The following PFDN2 variants were observed in gnomAD, a reference collection of about 807,000 sequenced individuals.
PFDN2 encodes the protein prefoldin subunit 2.
In PFDN2, 7 loss-of-function variants were observed where a neutral mutation model predicts 18.3. That is an observed-to-expected ratio of 0.38 (90% CI 0.22 to 0.72). PFDN2 has a LOEUF of 0.72. Ranked by LOEUF, PFDN2 falls within the 30% of genes least tolerant of loss-of-function variation. PFDN2 has a pLI of 0.47. For missense variants in PFDN2, 181 were observed against 199.1 expected (o/e 0.91, Z 0.55); for synonymous variants, 76 against 75.0 (o/e 1.01, Z -0.07).
chr1:161,101,172 A>G (rs961563522), intron 3 of PFDN2, among the ~76,000 whole-genome samples: 1 of 151,718 alleles, frequency 6.6e-6, no homozygotes, highest in Non-Finnish European at 1.5e-5. Context: ...TACAGGCATG[A>G]GCTTATTTTT....
At chr1:161,106,852 CTGGGG>C (rs1167648440) in intron 1 of PFDN2, among the ~76,000 whole-genome samples, 2 of 152,134 alleles carry the variant, frequency 1.3e-5, no homozygotes, top group African/African-American at 4.8e-5. Flanking sequence ...GTTCCCTAGG[CTGGGG>C]TGCAGTGACA....
At chr1:161,102,952 G>A (rs1397701238) in intron 1 of PFDN2, among the ~76,000 whole-genome samples, 4 of 145,844 alleles carry the variant, frequency 2.7e-5, no homozygotes, top group Non-Finnish European at 4.5e-5. Context: ...GCGAAACTCC[G>A]TCTCAAAAAA....
chr1:161,116,665 G>C (rs1342859185), intron 1 of PFDN2, among the ~76,000 whole-genome samples: 1 of 151,952 alleles, frequency 6.6e-6, no homozygotes, highest in Non-Finnish European at 1.5e-5. Context: ...ACTAGACTAT[G>C]CTCTTCGAGA....
At chr1:161,103,415 C>T (rs916980855) in intron 1 of PFDN2, among the ~76,000 whole-genome samples, 2 of 150,590 alleles carry the variant, frequency 1.3e-5, no homozygotes, top group African/African-American at 4.9e-5. Context: ...AAGGGCCAGG[C>T]GTGGTGGCTC....
chr1:161,113,285 C>T (rs953911962), intron 1 of PFDN2, among the ~76,000 whole-genome samples: 10 of 152,176 alleles, frequency 6.6e-5, no homozygotes, highest in African/African-American at 2.4e-4. Flanking sequence ...TCCATCCACT[C>T]CTTCAGGGTT....
chr1:161,107,310 A>C (rs1465648535), intron 1 of PFDN2, among the ~76,000 whole-genome samples: 1 of 151,632 alleles, frequency 6.6e-6, no homozygotes, highest in Non-Finnish European at 1.5e-5. Context: ...CTGTAGTCCC[A>C]GCTACTTGGG....
At chr1:161,108,457 C>CAAA (rs35647606) in intron 1 of PFDN2, among the ~76,000 whole-genome samples, 2 of 127,878 alleles carry the variant, frequency 1.6e-5, no homozygotes, top group Admixed American at 8.0e-5. Context: ...AACTCCGTCT[C>CAAA]AAAAAAAAAA....
chr1:161,111,587 G>A (rs1654810391), intron 1 of PFDN2, among the ~76,000 whole-genome samples: 1 of 152,194 alleles, frequency 6.6e-6, no homozygotes, highest in Admixed American at 6.5e-5. Context: ...AATGCCAGTT[G>A]AGAATCACTG....
intron 2 of PFDN2, 47 bp downstream of exon 2, chr1:161,102,240 T>G: frequency 6.2e-7 from 1 of 1,612,528 alleles, no homozygotes; most frequent in Non-Finnish European, 8.5e-7. Context: ...CCTCACGGAG[T>G]AGCCCACACA....
At chr1:161,103,212 T>C (rs1366457357) in intron 1 of PFDN2, among the ~76,000 whole-genome samples, 2 of 152,012 alleles carry the variant, frequency 1.3e-5, no homozygotes, top group Non-Finnish European at 1.5e-5. Context: ...TGCAGACAAA[T>C]GGGTATAGAA....
At chr1:161,115,061 T>C (rs547288816) in intron 1 of PFDN2, among the ~76,000 whole-genome samples, 2 of 152,310 alleles carry the variant, frequency 1.3e-5, no homozygotes, top group East Asian at 3.9e-4. Context: ...CAATTCATAC[T>C]TTTTGTGTGT....
intron 1 of PFDN2, among the ~76,000 whole-genome samples, chr1:161,114,283 C>T (rs1353269598): frequency 3.9e-5 from 6 of 152,200 alleles, no homozygotes; most frequent in Non-Finnish European, 7.3e-5. Context: ...TGTCTGTCTT[C>T]CTACATTCCT....
intron 1 of PFDN2, among the ~76,000 whole-genome samples, chr1:161,104,496 T>C (rs192247128): frequency 6.6e-6 from 1 of 150,870 alleles, no homozygotes; most frequent in Non-Finnish European, 1.5e-5. Context: ...CAGGCTGGAG[T>C]GCAGTGGCAC....
rs767785309 is a variant in PFDN2 at position 161,100,856 on chromosome 1, G to T, written c.292C>A (p.Gln98Lys). 5.0e-6 allele frequency: 8 copies of T among 1,610,642 alleles called. No homozygotes were observed. Among genetic ancestry groups the T allele is most frequent in the Non-Finnish European group, 6.8e-6 (8 of 1,177,060 alleles). ...TGTGTCAGTGTCTCAATGATCTTCT[G>T]TATCTAGAGGACAAGTGACAGGGAT... ...PALENNKEQIQKIIETLTQQL... is the reference protein window; with the variant it reads ...PALENNKEQIKKIIETLTQQL... The change falls in exon 4 of 4, where the codon CAG (glutamine) becomes AAG (lysine). Residue 98 changes from glutamine (Q) to lysine (K), a missense_variant. Coordinates refer to ENST00000368010, the MANE Select transcript of PFDN2 (RefSeq NM_012394.4).
intron 1 of PFDN2, among the ~76,000 whole-genome samples, chr1:161,103,296 T>A (rs1300506899): frequency 6.6e-6 from 1 of 152,144 alleles, no homozygotes; most frequent in Non-Finnish European, 1.5e-5. Context: ...TCCCTAAAGC[T>A]GCCCCAGTTC....
chr1:161,102,498 G>A, intron 1 of PFDN2, 123 bp from the exon 2 acceptor site: 2 of 676,086 alleles, frequency 3.0e-6, no homozygotes, highest in South Asian at 3.6e-5. Flanking sequence ...AAAAGGAGTA[G>A]AACCACAAGT....
intron 1 of PFDN2, among the ~76,000 whole-genome samples, chr1:161,114,490 C>T (rs968569198): frequency 2.0e-5 from 3 of 152,232 alleles, no homozygotes; most frequent in Admixed American, 1.3e-4. Context: ...TCTTCCACTT[C>T]CTTCTTTGCT....
intron 1 of PFDN2, among the ~76,000 whole-genome samples, chr1:161,107,537 T>C (rs1329600446): frequency 2.0e-5 from 3 of 152,012 alleles, no homozygotes; most frequent in Middle Eastern, 6.8e-3. Context: ...TGGACAGGCC[T>C]GGCATGGTGG....
At chr1:161,103,395 TA>T (rs5778192) in intron 1 of PFDN2, among the ~76,000 whole-genome samples, 29 of 146,090 alleles carry the variant, frequency 2.0e-4, no homozygotes, top group African/African-American at 1.3e-4. Flanking sequence ...AATAGCCCTT[TA>T]AAAAAAAAAA....
Sources: allele counts gnomAD v4.1 joint callset (sites outside exome capture counted in the v4.1 genomes callset), GRCh38; gene constraint gnomAD v4.1.1; transcripts MANE v1.5; gene names NCBI Gene and HGNC (gene_info 2026-07-23, HGNC 2026-07-21).